Variants in DSCAM observed in about 807,000 individuals in gnomAD.
The protein encoded by DSCAM is cell adhesion molecule DSCAM.
In DSCAM, 47 loss-of-function variants were observed where a neutral mutation model predicts 217.7. That is an observed-to-expected ratio of 0.22 (90% confidence interval 0.17 to 0.28). The LOEUF is 0.28. Ranked by LOEUF, DSCAM falls within the 10% of genes least tolerant of loss-of-function variation. The pLI is 1.00. For missense variants in DSCAM, 2,080 were observed against 2,618.3 expected, an observed-to-expected ratio of 0.79 and a Z score of 4.49; for synonymous variants, 1,056 against 1,015.3, an observed-to-expected ratio of 1.04 and a Z score of -0.76.
At chr21:40,713,007 G>C (rs945058352) in intron 1 of DSCAM, among the ~76,000 whole-genome samples, 7 of 152,336 alleles carry the variant, frequency 4.6e-5, no homozygotes, top group Non-Finnish European at 7.3e-5. Context: ...CCCCCGATAA[G>C]ACCCTCTTTC....
chr21:40,672,553 G>A (rs925362848), intron 3 of DSCAM, among the ~76,000 whole-genome samples: 2 of 152,110 alleles, frequency 1.3e-5, no homozygotes, highest in African/African-American at 2.4e-5. Flanking sequence ...AAGGTAGGAG[G>A]CCAGAGTAGT....
intron 3 of DSCAM, among the ~76,000 whole-genome samples, chr21:40,456,451 A>G (rs2075764163): frequency 6.6e-6 from 1 of 152,192 alleles, no homozygotes; most frequent in South Asian, 2.1e-4. Context: ...ATTTAATTAT[A>G]TGATTACAGG....
intron 11 of DSCAM, among the ~76,000 whole-genome samples, chr21:40,218,290 C>T (rs1011962118): frequency 2.6e-5 from 4 of 152,012 alleles, no homozygotes; most frequent in Non-Finnish European, 5.9e-5. Context: ...TTTATCAATG[C>T]TAAGATGATT....
chr21:40,621,774 A>C (rs754871548), intron 3 of DSCAM, among the ~76,000 whole-genome samples: 10 of 151,832 alleles, frequency 6.6e-5, no homozygotes, highest in Non-Finnish European at 1.3e-4. Flanking sequence ...CCAAATGGCA[A>C]ATCCAATTGA....
chr21:40,176,952 A>C (rs1211776022), intron 15 of DSCAM, among the ~76,000 whole-genome samples: 1 of 152,268 alleles, frequency 6.6e-6, no homozygotes, highest in African/African-American at 2.4e-5. Context: ...CAACAGCAGC[A>C]TTAATAATGG....
intron 11 of DSCAM, among the ~76,000 whole-genome samples, chr21:40,210,225 T>A (rs892729734): frequency 6.6e-6 from 1 of 152,176 alleles, no homozygotes; most frequent in African/African-American, 2.4e-5. Context: ...CAGGTTAAAC[T>A]CACGTCCTAC....
intron 3 of DSCAM, among the ~76,000 whole-genome samples, chr21:40,369,550 A>G (rs1355621581): frequency 6.6e-6 from 1 of 152,146 alleles, no homozygotes; most frequent in Non-Finnish European, 1.5e-5. Context: ...TCATGCATTT[A>G]TCTTACAGCA....
chr21:40,533,370 T>G (rs889726278), intron 3 of DSCAM, among the ~76,000 whole-genome samples: 3 of 152,224 alleles, frequency 2.0e-5, no homozygotes, highest in African/African-American at 7.2e-5. Context: ...ATTCAAGATC[T>G]GATGCACAAA....
chr21:40,741,687 T>C (rs1481611877), intron 1 of DSCAM, among the ~76,000 whole-genome samples: 1 of 152,222 alleles, frequency 6.6e-6, no homozygotes, highest in East Asian at 1.9e-4. Flanking sequence ...ACCTGGATAC[T>C]TCTTAGAAAA....
chr21:40,643,402 T>C (rs1217245782), intron 3 of DSCAM, among the ~76,000 whole-genome samples: 2 of 152,174 alleles, frequency 1.3e-5, no homozygotes, highest in Non-Finnish European at 1.5e-5. Context: ...TAGAAAACTT[T>C]GGTTTAAATT....
intron 11 of DSCAM, among the ~76,000 whole-genome samples, chr21:40,275,169 T>A (rs10222161): frequency 0.33 from 49,717 of 149,456 alleles, 8,277 homozygotes; most frequent in South Asian, 0.37. Flanking sequence ...TTATAAAAAA[T>A]TAAAAAAAAA....
chr21:40,251,880 C>T (rs2073309533), intron 11 of DSCAM, among the ~76,000 whole-genome samples: 1 of 152,062 alleles, frequency 6.6e-6, no homozygotes, highest in South Asian at 2.1e-4. Flanking sequence ...ACAAAACAAA[C>T]AAACGACACT....
chr21:40,039,129 G>T (rs1301206729), intron 32 of DSCAM, among the ~76,000 whole-genome samples: 3 of 151,802 alleles, frequency 2.0e-5, no homozygotes, highest in Admixed American at 2.0e-4. Flanking sequence ...TAACTAACCT[G>T]CACAATATGC....
chr21:40,377,133 C>T (rs1482774391), intron 3 of DSCAM, among the ~76,000 whole-genome samples: 1 of 152,194 alleles, frequency 6.6e-6, no homozygotes, highest in Non-Finnish European at 1.5e-5. Flanking sequence ...GAGGCTACCA[C>T]TGCTTTCGGC....
At chr21:40,612,397 A>G (rs1362428936) in intron 3 of DSCAM, among the ~76,000 whole-genome samples, 1 of 152,174 alleles carries the variant, frequency 6.6e-6, no homozygotes, top group Non-Finnish European at 1.5e-5. Context: ...CTACCCAGAA[A>G]GCACCATGCT....
intron 16 of DSCAM, among the ~76,000 whole-genome samples, chr21:40,145,235 T>C (rs1406020393): frequency 6.6e-6 from 1 of 152,078 alleles, no homozygotes; most frequent in Non-Finnish European, 1.5e-5. Flanking sequence ...CACCAGGGAA[T>C]AGAATTGAGT....
intron 10 of DSCAM, among the ~76,000 whole-genome samples, chr21:40,292,739 T>C (rs1319991780): frequency 2.0e-5 from 3 of 152,040 alleles, no homozygotes; most frequent in African/African-American, 4.8e-5. Flanking sequence ...CATTATGATA[T>C]CTTTCTTTTC....
chr21:40,571,509 C>CA (rs2076806589), intron 3 of DSCAM, among the ~76,000 whole-genome samples: 1 of 151,686 alleles, frequency 6.6e-6, no homozygotes, highest in African/African-American at 2.4e-5. Flanking sequence ...TTTTTTTAGC[C>CA]AAAAAACCTG....
intron 1 of DSCAM, among the ~76,000 whole-genome samples, chr21:40,709,351 TTTA>T (rs1225094408): frequency 6.6e-5 from 10 of 152,236 alleles, no homozygotes; most frequent in Non-Finnish European, 1.5e-4. Context: ...CATTTTATTT[TTTA>T]TTATACTTTA....
Sources: gnomAD v4.1 joint callset for allele counts (sites outside exome capture counted in the v4.1 genomes callset) on GRCh38, gnomAD v4.1.1 for gene constraint, MANE v1.5 for transcripts, NCBI Gene and HGNC (gene_info 2026-07-23, HGNC 2026-07-21) for gene names.